Variants in WNK2 observed in about 807,000 individuals in gnomAD.
WNK2 encodes serine/threonine-protein kinase WNK2.
In WNK2, 67 loss-of-function variants were observed where a neutral mutation model predicts 192.1. The observed-to-expected ratio is 0.35, with a 90% CI of 0.29 to 0.43. The LOEUF (loss-of-function observed/expected upper bound fraction) is 0.43, where lower values mean the gene tolerates loss of function less well. Ranked by LOEUF, WNK2 falls within the 20% of genes least tolerant of loss-of-function variation. The probability of loss-of-function intolerance (pLI) is 1.00; values close to 1 mark genes in which losing one functional copy is unlikely to be tolerated. For missense variants in WNK2, 2,698 were observed against 3,089.7 expected (o/e 0.87, Z 3.01); for synonymous variants, 1,439 against 1,393.9 (o/e 1.03, Z -0.72).
chr9:93,314,043 G>A (rs1388886903), intron 28 of WNK2, among the ~76,000 whole-genome samples: 5 of 151,938 alleles, frequency 3.3e-5, no homozygotes, highest in African/African-American at 1.2e-4. Flanking sequence ...GGCTGAGGCG[G>A]GTGGATCACC....
chr9:93,247,701 G>T lies in WNK2; in HGVS notation c.1701G>T (p.Pro567=). 1 of 1,565,236 alleles carries T rather than the reference G, an allele frequency of 6.4e-7. No individual in the cohort carries two copies. The highest frequency in any genetic ancestry group is 2.4e-5 in the East Asian group (1 of 42,014). Residue 567 remains proline (P), a synonymous_variant, in exon 8 of 30, where the codon CCG becomes CCT. Coordinates refer to ENST00000427277, the MANE Select transcript of WNK2 (RefSeq NM_006648.4). The surrounding 1 kb of genome is among the most constrained non-coding windows in gnomAD (Gnocchi z 5.2). ...GCAGCCCGGACAAGGCCAGGGGTCC[G>T]CCGGTGCCCCTGCAGGTCCAGGTGA... The part of the protein sequence containing the change: ...DVGSPDKARG[P]PVPLQVQVTY...
chr9:93,295,522 C>T (rs985195612), intron 23 of WNK2, among the ~76,000 whole-genome samples: 6 of 151,906 alleles, frequency 3.9e-5, no homozygotes, highest in Non-Finnish European at 8.8e-5. Context: ...TCCTCATTTC[C>T]GACCTTGAAA....
chr9:93,190,257 C>T (rs557956084), intron 2 of WNK2, among the ~76,000 whole-genome samples: 1 of 152,300 alleles, frequency 6.6e-6, no homozygotes, highest in South Asian at 2.1e-4. Context: ...CTTCTGCCCC[C>T]CGAGTGGTGG....
rs1854928878 is a variant in WNK2 at position 93,317,574 on chromosome 9, C to T, written c.6571C>T (p.Pro2191Ser). 3.1e-6 allele frequency: 5 copies of T among 1,613,584 alleles called. No individual in the cohort carries two copies. The East Asian group carries it at 1.1e-4, about 36-fold the overall frequency. ...GMPRLPPAPG[P>S]LSTTVIPGAA... is the part of the protein sequence containing the mutation. Reference sequence around the variant, plus strand: ...GCCACGTCTGCCCCCAGCGCCCGGCCCTCTGTCCACCACGGTCATTCCCGG... The same window carrying T: ...GCCACGTCTGCCCCCAGCGCCCGGCTCTCTGTCCACCACGGTCATTCCCGG... The change falls in exon 29 of 30, where the codon CCT becomes TCT. Residue 2191 changes from proline (P) to serine (S), a missense_variant. Pro to Ser is a moderately conservative substitution (Grantham distance 74). Around this residue, in one of 7 missense-constraint regions of WNK2, gnomAD observed 167 missense variants for 184.2 expected, o/e 0.91. Coordinates refer to ENST00000427277, the MANE Select transcript of WNK2 (RefSeq NM_006648.4).
Position 93,263,681 on chromosome 9 carries a change from C to T in WNK2, c.3526C>T (p.Arg1176Cys). ...AARKHHRRST[R>C]ARSRQERASR... ...CCGAAAACACCACCGCAGGTCCACG[C>T]GTGCGCGCTCCCGGCAGGAGAGGGC... The change falls in exon 15 of 30, where the codon CGT becomes TGT. Residue 1176 changes from arginine to cysteine, a missense_variant. Coordinates refer to ENST00000427277, the MANE Select transcript of WNK2 (RefSeq NM_006648.4). 1.9e-6 allele frequency: 3 copies of T among 1,572,212 alleles called. No individual in the cohort carries two copies. Among genetic ancestry groups the T allele is most frequent in the South Asian group, 1.1e-5 (1 of 87,240 alleles).
At chr9:93,205,532 G>A (rs1216377545) in intron 2 of WNK2, among the ~76,000 whole-genome samples, 2 of 152,174 alleles carry the variant, frequency 1.3e-5, no homozygotes, top group African/African-American at 4.8e-5. Flanking sequence ...CCTGCACCCT[G>A]TGCCTGGCCC....
chr9:93,213,282 G>A (rs138781900), intron 2 of WNK2, among the ~76,000 whole-genome samples: 1,679 of 152,274 alleles, frequency 0.011, 28 homozygotes, highest in African/African-American at 0.039. Flanking sequence ...TGGGCTCTGA[G>A]TTGTGCTCAT....
At chr9:93,202,782 G>A (rs551386144) in intron 2 of WNK2, among the ~76,000 whole-genome samples, 32 of 152,082 alleles carry the variant, frequency 2.1e-4, no homozygotes, top group Non-Finnish European at 3.4e-4. Flanking sequence ...AGCCCCTGAG[G>A]AGCTTTTCCC....
At position 93,184,980 on chromosome 9, in the gene WNK2, C is replaced by T. The variant is rs1829024076; in HGVS notation, c.51C>T (p.Pro17=). The T allele has an allele frequency of 2.4e-6, 3 of 1,239,568 alleles. No individual in the cohort carries two copies. Among genetic ancestry groups the T allele is most frequent in the African/African-American group, 1.6e-5 (1 of 63,770 alleles). 76.8% of individuals were successfully genotyped at this position (1,239,568 alleles called of 1,614,324 possible). A position where few individuals can be genotyped will look rare whatever the true frequency, so the allele number is the denominator to read the frequency against. The change falls in exon 2 of 30, where the codon CCC becomes CCT. Residue 17 remains proline, a synonymous_variant. Coordinates refer to ENST00000427277, the MANE Select transcript of WNK2 (RefSeq NM_006648.4). ...RRDVPGTLME[P]GRGAGPAGMA... ...ACGTCCCCGGCACGCTGATGGAGCC[C>T]GGGCGCGGCGCGGGGCCCGCGGGCA...
chr9:93,305,283 A>G (rs1852322350), intron 26 of WNK2, among the ~76,000 whole-genome samples: 1 of 152,078 alleles, frequency 6.6e-6, no homozygotes. Flanking sequence ...CAGTGCCCCT[A>G]CATATTGGAT....
chr9:93,249,716 C>T (rs900761544), intron 8 of WNK2, among the ~76,000 whole-genome samples: 19 of 151,934 alleles, frequency 1.3e-4, no homozygotes, highest in African/African-American at 3.4e-4. Flanking sequence ...CCTCGTGATC[C>T]GCCCGCCTCA....
chr9:93,204,031 G>C (rs1587850713), intron 2 of WNK2, among the ~76,000 whole-genome samples: 1 of 152,086 alleles, frequency 6.6e-6, no homozygotes, highest in Non-Finnish European at 1.5e-5. Context: ...GTCAGGGAAG[G>C]CTGGCTGGTG....
At chr9:93,249,308 A>G (rs1358363068) in intron 8 of WNK2, among the ~76,000 whole-genome samples, 2 of 152,200 alleles carry the variant, frequency 1.3e-5, no homozygotes, top group Admixed American at 6.5e-5. Flanking sequence ...GTCAGATAAT[A>G]TAATTCAGGT....
chr9:93,256,870 C>A, intron 10 of WNK2, 78 bp from the exon 11 acceptor site: 1 of 1,343,648 alleles, frequency 7.4e-7, no homozygotes, highest in Non-Finnish European at 1.0e-6. Context: ...GGGTTGATAT[C>A]CTGTCATGTG....
intron 6 of WNK2, 145 bp downstream of exon 6, chr9:93,238,466 G>A (rs1365175270): frequency 6.5e-6 from 5 of 765,512 alleles, no homozygotes; most frequent in Non-Finnish European, 1.1e-5. Context: ...GCAGGGGCTG[G>A]TGAGCATGTC....
chr9:93,216,833 A>C (rs1398788848), intron 2 of WNK2, among the ~76,000 whole-genome samples: 2 of 151,810 alleles, frequency 1.3e-5, no homozygotes, highest in Admixed American at 6.6e-5. Context: ...CAACAAACAA[A>C]CAAACAAACA....
chr9:93,285,369 A>G (rs1848301918), intron 19 of WNK2, among the ~76,000 whole-genome samples: 1 of 152,244 alleles, frequency 6.6e-6, no homozygotes, highest in Non-Finnish European at 1.5e-5. Flanking sequence ...ATTTAAATTT[A>G]CAGATAAATT....
In WNK2 at chr9:93,290,005, C is replaced by T. The variant is rs1799415132; in HGVS notation, c.4894C>T (p.Arg1632Ter). Reference sequence around the variant, plus strand: ...GGAGAAGTCAGAACTGGCCCCCACTCGAGGGGCCGTGATGGAGCAGGGCAC... The same window carrying T: ...GGAGAAGTCAGAACTGGCCCCCACTTGAGGGGCCGTGATGGAGCAGGGCAC... Reference protein sequence around the residue: ...LVEKSELAPTRGAVMEQGTSS... With the variant: ...LVEKSELAPT The change falls in exon 21 of 30, where the codon CGA (arginine) becomes TGA (stop). Residue 1632 changes from arginine to a stop codon, truncating the protein, a stop_gained. Coordinates refer to ENST00000427277, the MANE Select transcript of WNK2 (RefSeq NM_006648.4). LOFTEE classifies it high-confidence loss of function. 1.9e-6 allele frequency: 3 copies of T among 1,578,256 alleles called. No individual in the cohort carries two copies. Among genetic ancestry groups the T allele is most frequent in the Non-Finnish European group, 1.7e-6 (2 of 1,161,002 alleles).
chr9:93,228,069 G>A (rs1229167475), intron 2 of WNK2, among the ~76,000 whole-genome samples: 4 of 152,090 alleles, frequency 2.6e-5, no homozygotes, highest in Admixed American at 1.3e-4. Flanking sequence ...GGGAGTTGCC[G>A]TTGGTCTCTG....
Sources: allele counts gnomAD v4.1 joint callset (sites outside exome capture counted in the v4.1 genomes callset), GRCh38; gene constraint gnomAD v4.1.1; regional missense constraint gnomAD v4.1.1; non-coding constraint Gnocchi (gnomAD v3.1); transcripts MANE v1.5; gene names NCBI Gene and HGNC (gene_info 2026-07-23, HGNC 2026-07-21).